The following KALRN variants were observed in gnomAD, a reference collection of about 807,000 sequenced individuals.
KALRN encodes kalirin RhoGEF kinase.
A neutral mutation model predicts 353.7 loss-of-function variants in KALRN; 70 were observed. The ratio of observed to expected loss-of-function variants is 0.20; its 90% CI spans 0.16 to 0.24. KALRN has a LOEUF of 0.24. Among genes scored for constraint, KALRN ranks in the 10% least tolerant of loss-of-function variants. The pLI is 1.00. For missense variants in KALRN, 2,791 were observed against 3,756.7 expected, an observed-to-expected ratio of 0.74 and a Z score of 6.72; for synonymous variants, 1,391 against 1,434.8, an observed-to-expected ratio of 0.97 and a Z score of 0.69.
At chr3:124,185,909 A>G (rs2074163618) in intron 1 of KALRN, among the ~76,000 whole-genome samples, 1 of 152,186 alleles carries the variant, frequency 6.6e-6, no homozygotes, top group Non-Finnish European at 1.5e-5. Flanking sequence ...TGCAACAGGC[A>G]GGTGCTGGGT....
chr3:124,357,542 T>G (rs2083557598), intron 10 of KALRN, among the ~76,000 whole-genome samples: 1 of 152,214 alleles, frequency 6.6e-6, no homozygotes, highest in Non-Finnish European at 1.5e-5. Context: ...TTCCTGAGCA[T>G]GCCATGCTCT....
intron 1 of KALRN, among the ~76,000 whole-genome samples, chr3:124,165,513 A>G (rs1460129938): frequency 6.6e-6 from 1 of 152,152 alleles, no homozygotes; most frequent in African/African-American, 2.4e-5. Context: ...CCTCCATAGC[A>G]ACCACATGTG....
At chr3:124,644,558 T>C (rs1278692323) in intron 37 of KALRN, among the ~76,000 whole-genome samples, 2 of 152,096 alleles carry the variant, frequency 1.3e-5, no homozygotes, top group African/African-American at 2.4e-5. Context: ...CTCCCACTTA[T>C]GAGTGAGAAC....
chr3:124,516,636 T>TA (rs371660048), intron 33 of KALRN, among the ~76,000 whole-genome samples: 9,063 of 118,738 alleles, frequency 0.076, 692 homozygotes, highest in African/African-American at 0.2. Flanking sequence ...AGCACATCTA[T>TA]AAAAAAAAAA....
chr3:124,598,206 C>T (rs534802775), intron 34 of KALRN, among the ~76,000 whole-genome samples: 1 of 152,308 alleles, frequency 6.6e-6, no homozygotes, highest in South Asian at 2.1e-4. Context: ...AGGCCCAAGT[C>T]CATCTGAAAT....
chr3:124,386,924 A>G (rs2088439171), intron 11 of KALRN, among the ~76,000 whole-genome samples: 1 of 152,238 alleles, frequency 6.6e-6, no homozygotes, highest in East Asian at 1.9e-4. Flanking sequence ...TTAAATGAGG[A>G]GACTAAGCCT....
intron 33 of KALRN, among the ~76,000 whole-genome samples, chr3:124,507,120 G>T (rs1289341107): frequency 6.6e-6 from 1 of 152,060 alleles, no homozygotes; most frequent in Non-Finnish European, 1.5e-5. Flanking sequence ...AGGATTTGAA[G>T]GTATATGGAG....
At chr3:124,078,763 G>T (rs549493609) in intron 1 of KALRN, among the ~76,000 whole-genome samples, 1 of 152,130 alleles carries the variant, frequency 6.6e-6, no homozygotes, top group African/African-American at 2.4e-5. Context: ...GCATTTACTC[G>T]CAAGCACTTA....
At chr3:124,118,733 G>C (rs2063695390) in intron 1 of KALRN, among the ~76,000 whole-genome samples, 1 of 152,166 alleles carries the variant, frequency 6.6e-6, no homozygotes, top group Non-Finnish European at 1.5e-5. Context: ...TGTCTTACTT[G>C]AACATTTATT....
chr3:124,288,184 T>C (rs540829207), intron 5 of KALRN, among the ~76,000 whole-genome samples: 4 of 152,306 alleles, frequency 2.6e-5, no homozygotes, highest in South Asian at 2.1e-4. Context: ...CAGGAAGTTA[T>C]ATTTTTTAAG....
rs370385468 is a variant in KALRN, at chr3:124,670,106, G to T, written c.6704-1554G>T. Reference sequence around the variant, plus strand: ...ATGCTTCAGCCTCCTGAGAAGCTGGGATTACAGGTGTATGCCACCAATACA... The same window carrying T: ...ATGCTTCAGCCTCCTGAGAAGCTGGTATTACAGGTGTATGCCACCAATACA... On this transcript the variant is annotated intron_variant, in intron 47 of 59. Coordinates refer to ENST00000682506, the MANE Select transcript of KALRN (RefSeq NM_001388419.1). Among the ~76,000 whole-genome samples the T allele has an allele frequency of 1.1e-4, 17 of 152,178 alleles. No individual in the cohort carries two copies. In the East Asian group the frequency reaches 3.1e-3, roughly 28 times the overall value.
intron 33 of KALRN, among the ~76,000 whole-genome samples, chr3:124,533,657 CA>C (rs1328274579): frequency 6.6e-6 from 1 of 151,978 alleles, no homozygotes; most frequent in Non-Finnish European, 1.5e-5. Flanking sequence ...TCAAAAAAAC[CA>C]AAAACAAATA....
At chr3:124,354,812 T>A (rs931896310) in intron 10 of KALRN, among the ~76,000 whole-genome samples, 1 of 152,222 alleles carries the variant, frequency 6.6e-6, no homozygotes, top group Non-Finnish European at 1.5e-5. Context: ...GGACTTGTTC[T>A]AATGGGAAGA....
At chr3:124,152,662 A>C in intron 1 of KALRN, 1 of 562,210 alleles carries the variant, frequency 1.8e-6, no homozygotes, top group Non-Finnish European at 3.1e-6. Flanking sequence ...GGTGCAATCG[A>C]GGCTCACTGC....
intron 34 of KALRN, among the ~76,000 whole-genome samples, chr3:124,594,308 C>T (rs1026087853): frequency 1.3e-5 from 2 of 152,196 alleles, no homozygotes; most frequent in African/African-American, 2.4e-5. Flanking sequence ...TCACTGCAAC[C>T]TCCGTTTCCT....
At chr3:124,352,920 G>A (rs1051174527) in intron 10 of KALRN, among the ~76,000 whole-genome samples, 4 of 152,092 alleles carry the variant, frequency 2.6e-5, no homozygotes, top group Admixed American at 2.0e-4. Flanking sequence ...TATAAATGAC[G>A]GGTTGGTGGG....
At chr3:124,482,956 G>C in intron 28 of KALRN, 56 bp downstream of exon 28, 1 of 1,226,684 alleles carries the variant, frequency 8.2e-7, no homozygotes, top group Non-Finnish European at 1.2e-6. Flanking sequence ...GGGCAAGGGA[G>C]TCCCAGCTTT....
chr3:124,678,336 G>A (rs752090025), intron 50 of KALRN, 23 bp downstream of exon 50: 3 of 1,611,854 alleles, frequency 1.9e-6, no homozygotes, highest in Non-Finnish European at 2.5e-6. Flanking sequence ...TTCCGGAGCT[G>A]CGTCCCCACC....
At chr3:124,236,110 C>T (rs929380833) in intron 3 of KALRN, among the ~76,000 whole-genome samples, 1 of 150,264 alleles carries the variant, frequency 6.7e-6, no homozygotes, top group African/African-American at 2.4e-5. Context: ...GAACTTCGGG[C>T]AGAAGACTGA....
Sources: allele counts gnomAD v4.1 joint callset (sites outside exome capture counted in the v4.1 genomes callset), GRCh38; gene constraint gnomAD v4.1.1; transcripts MANE v1.5; gene names NCBI Gene and HGNC (gene_info 2026-07-23, HGNC 2026-07-21).